The following TLR6 variants were observed in gnomAD, a reference collection of about 807,000 sequenced individuals.
The protein encoded by TLR6 is toll like receptor 6.
Under a neutral mutation model 16.1 loss-of-function variants are expected in TLR6, and 9 were observed. The ratio of observed to expected loss-of-function variants is 0.56; its 90% CI spans 0.34 to 0.98. The LOEUF is 0.98. Among genes scored for constraint, TLR6 ranks in the 50% least tolerant of loss-of-function variants. TLR6 has a pLI of 0.02. For synonymous variants in TLR6, 340 were observed against 338.6 expected, an observed-to-expected ratio of 1.00 and a Z score of -0.04; for missense variants, 786 against 921.0, an observed-to-expected ratio of 0.85 and a Z score of 1.90.
At chr4:38,835,953 C>A (rs1182585099) in intron 1 of TLR6, among the ~76,000 whole-genome samples, 1 of 151,838 alleles carries the variant, frequency 6.6e-6, no homozygotes, top group Non-Finnish European at 1.5e-5. Flanking sequence ...ACACCAAAGC[C>A]TAGGAGACAC....
At chr4:38,844,396 C>T (rs1270927210) in intron 1 of TLR6, among the ~76,000 whole-genome samples, 1 of 152,120 alleles carries the variant, frequency 6.6e-6, no homozygotes, top group Non-Finnish European at 1.5e-5. Flanking sequence ...CAGATAAGAA[C>T]AGTTATGCAG....
chr4:38,842,727 C>T lies in TLR6; in HGVS notation c.-64-13190G>A, dbSNP rs114848795. 1.6e-3 allele frequency among the ~76,000 whole-genome samples: 245 copies of T among 152,366 alleles called. 1 individual carries two copies. The highest frequency in any genetic ancestry group is 5.3e-3 in the African/African-American group (221 of 41,582). On this transcript the variant is annotated intron_variant, in intron 1 of 1. Coordinates refer to ENST00000436693, the Ensembl canonical transcript of TLR6. Reference sequence around the variant, plus strand: ...GACAGGGGCATCCTGGCCGCCTGTCCTCATGACCTAATCACCTTCCAGAGG... The same window carrying T: ...GACAGGGGCATCCTGGCCGCCTGTCTTCATGACCTAATCACCTTCCAGAGG...
chr4:38,842,805 C>T (rs190954), intron 1 of TLR6, among the ~76,000 whole-genome samples: 1 of 152,008 alleles, frequency 6.6e-6, no homozygotes, highest in Non-Finnish European at 1.5e-5. Flanking sequence ...ACATGAATTT[C>T]GAAGAGACAC....
Position 38,828,260 on chromosome 4 carries a change from A to C in TLR6, c.1214T>G (p.Leu405Trp), listed in dbSNP as rs531678726. The C allele has an allele frequency of 1.3e-5, 21 of 1,613,610 alleles. No individual in the cohort carries two copies. The South Asian group carries it at 2.2e-4, about 17-fold the overall frequency. Residue 405 changes from leucine (L) to tryptophan (W), a missense_variant, in exon 2 of 2, where the codon TTG (leucine) becomes TGG (tryptophan). Leu to Trp is a moderately conservative substitution (Grantham distance 61). Transcript: ENST00000436693. The stretch of plus-strand genomic sequence containing the variant: ...ATTCCAGCTAACATCCAGTATTTCC[A>C]AAGAAGGCATATCCTTCGTCATGAG...
At chr4:38,862,763 T>C in the TLR6 span, among the ~76,000 whole-genome samples, 1 of 151,532 alleles carries the variant, frequency 6.6e-6, no homozygotes, top group Non-Finnish European at 1.5e-5. Flanking sequence ...GCCCAGTTAA[T>C]TTTTTGTATT....
intron 1 of TLR6, among the ~76,000 whole-genome samples, chr4:38,852,932 A>G (rs1413499093): frequency 2.0e-5 from 3 of 152,118 alleles, no homozygotes; most frequent in Non-Finnish European, 4.4e-5. Flanking sequence ...ACATGCACAC[A>G]CATGTTTATT....
chr4:38,846,340 A>G (rs193078185), intron 1 of TLR6, among the ~76,000 whole-genome samples: 47 of 152,310 alleles, frequency 3.1e-4, no homozygotes, highest in East Asian at 2.3e-3. Context: ...TTTATAATAG[A>G]TATCTTCAGA....
intron 1 of TLR6, among the ~76,000 whole-genome samples, chr4:38,836,461 C>A (rs1224350904): frequency 1.3e-5 from 2 of 152,138 alleles, no homozygotes; most frequent in African/African-American, 4.8e-5. Context: ...AGACCAATAA[C>A]AAGTAATAAG....
chr4:38,849,899 T>C (rs1712696672), intron 1 of TLR6, among the ~76,000 whole-genome samples: 1 of 152,162 alleles, frequency 6.6e-6, no homozygotes, highest in South Asian at 2.1e-4. Context: ...AATAGACATC[T>C]ACAGAACTCT....
chr4:38,839,069 A>G (rs1168764268), intron 1 of TLR6, among the ~76,000 whole-genome samples: 1 of 97,810 alleles, frequency 1.0e-5, no homozygotes, highest in Non-Finnish European at 1.7e-5. Context: ...AAAGAAATAG[A>G]AAGAGAGAAA....
At chr4:38,842,146 A>G (rs760002007) in intron 1 of TLR6, among the ~76,000 whole-genome samples, 5 of 152,114 alleles carry the variant, frequency 3.3e-5, no homozygotes, top group Non-Finnish European at 5.9e-5. Context: ...ACATCAAAAG[A>G]AAGGGAAGGG....
exon 2 of TLR6, chr4:38,827,324 T>C: frequency 6.2e-7 from 1 of 1,614,092 alleles, no homozygotes; most frequent in South Asian, 1.1e-5. Flanking sequence ...ATGGGCAAAA[T>C]AGAGTTCGTA....
At chr4:38,864,334 T>C in the TLR6 span, among the ~76,000 whole-genome samples, 1 of 152,214 alleles carries the variant, frequency 6.6e-6, no homozygotes, top group East Asian at 1.9e-4. Flanking sequence ...AGTGCATGCT[T>C]TCAGAAAGGT....
At chr4:38,854,366 T>C (rs978380293) in intron 1 of TLR6, among the ~76,000 whole-genome samples, 4 of 152,212 alleles carry the variant, frequency 2.6e-5, no homozygotes, top group Admixed American at 2.0e-4. Context: ...TAATGTTATT[T>C]GGCTATTTTA....
Position 38,827,246 on chromosome 4 carries a change from CT to C in TLR6, c.2227del (p.Ser743AlafsTer9). ...CAGCTTGTGGTACTTGTTGGGAATG[CT>C]GTTCTGTGGAATGGGTTCCAGTAAG... On this transcript the variant is annotated frameshift_variant, in exon 2 of 2. Transcript: ENST00000436693. LOFTEE classifies it high-confidence loss of function. 1.2e-6 allele frequency: 2 copies of C among 1,614,112 alleles called. No individual in the cohort carries two copies. The highest frequency in any genetic ancestry group is 2.2e-5 in the South Asian group (2 of 91,074).
chr4:38,829,372 A>C (rs749501082), exon 2 of TLR6: 2 of 1,614,130 alleles, frequency 1.2e-6, no homozygotes, highest in Non-Finnish European at 1.7e-6. Flanking sequence ...TGTCTACTGC[A>C]AATTCATTTC....
chr4:38,835,740 A>G (rs1240435789), intron 1 of TLR6, among the ~76,000 whole-genome samples: 5 of 152,266 alleles, frequency 3.3e-5, no homozygotes, highest in African/African-American at 1.2e-4. Flanking sequence ...AGTTTCAACA[A>G]AAGTTTTAAA....
upstream of TLR6, among the ~76,000 whole-genome samples, chr4:38,858,891 G>GA (rs1317451367): frequency 5.4e-5 from 7 of 128,924 alleles, no homozygotes; most frequent in East Asian, 2.5e-4. Flanking sequence ...AAGAAAGAGA[G>GA]AAAGAAAGAA....
intron 1 of TLR6, among the ~76,000 whole-genome samples, chr4:38,846,830 T>C (rs957118798): frequency 2.6e-5 from 4 of 152,038 alleles, no homozygotes; most frequent in Admixed American, 2.0e-4. Context: ...AAGGAAGCTA[T>C]AGATGCCAAT....
Sources: allele counts gnomAD v4.1 joint callset (sites outside exome capture counted in the v4.1 genomes callset), GRCh38; gene constraint gnomAD v4.1.1; transcripts MANE v1.5; gene names NCBI Gene and HGNC (gene_info 2026-07-23, HGNC 2026-07-21).